TP73: variants seen among roughly 807,000 people sequenced by gnomAD.
TP73 encodes the protein p53-like transcription factor.
A neutral mutation model predicts 62.5 loss-of-function variants in TP73; 25 were observed. That is an observed-to-expected ratio of 0.40 (90% CI 0.29 to 0.56). TP73 has a LOEUF of 0.56. Among genes scored for constraint, TP73 ranks in the 20% least tolerant of loss-of-function variants. TP73 has a pLI of 0.46. For missense variants in TP73, 754 were observed against 913.3 expected (o/e 0.83, Z 2.25); for synonymous variants, 423 against 377.5 (o/e 1.12, Z -1.40).
chr1:3,721,964 T>C (rs1192438235), intron 4 of TP73, 57 bp from the exon 5 acceptor site: 6 of 1,521,236 alleles, frequency 3.9e-6, no homozygotes, highest in Non-Finnish European at 5.3e-6. Context: ...GGGGGTGGCC[T>C]GGACAGGGGT....
chr1:3,722,649 G>A (rs1237731079), intron 5 of TP73, among the ~76,000 whole-genome samples: 1 of 152,218 alleles, frequency 6.6e-6, no homozygotes, highest in Non-Finnish European at 1.5e-5. Context: ...GTTCTGCTGC[G>A]ATGCACCTGG....
rs1327142100 is a variant in TP73 at position 3,730,911 on chromosome 1, C to G, written c.1346-16C>G. On this transcript the variant is annotated splice_polypyrimidine_tract_variant and intron_variant, in intron 11 of 13. Transcript: ENST00000378295. ...CAGCCTGGCTGCCCTGATGGCCCCACCTGCCTCTCACCCAGGCCCCGGGAT... is the reference window on the plus strand; with the variant it reads ...CAGCCTGGCTGCCCTGATGGCCCCAGCTGCCTCTCACCCAGGCCCCGGGAT... 6.9e-6 allele frequency: 11 copies of G among 1,588,304 alleles called. No individual in the cohort carries two copies. Among genetic ancestry groups the G allele is most frequent in the Middle Eastern group, 1.7e-4 (1 of 5,722 alleles).
chr1:3,706,173 G>A (rs879555283), intron 3 of TP73, among the ~76,000 whole-genome samples: 13 of 152,138 alleles, frequency 8.5e-5, no homozygotes, highest in Admixed American at 2.0e-4. Context: ...CCCAGTTCAC[G>A]GTCTGGGGGT....
intron 3 of TP73, among the ~76,000 whole-genome samples, chr1:3,690,339 G>T (rs1645781097): frequency 6.6e-6 from 1 of 152,128 alleles, no homozygotes; most frequent in South Asian, 2.1e-4. Flanking sequence ...GCCCCACCTG[G>T]GTGCCAAGGG....
intron 3 of TP73, among the ~76,000 whole-genome samples, chr1:3,704,405 G>A (rs970754936): frequency 3.9e-5 from 6 of 152,086 alleles, no homozygotes; most frequent in Admixed American, 1.3e-4. Context: ...CCCCCACCCT[G>A]TGTGGCCAGT....
At position 3,663,247 on chromosome 1, in the gene TP73, C is replaced by T. The variant is rs1280659654; in HGVS notation, c.-34+10606C>T. 6.6e-6 allele frequency among the ~76,000 whole-genome samples: 1 copy of T among 152,178 alleles called. No individual in the cohort carries two copies. Among genetic ancestry groups the T allele is most frequent in the East Asian group, 1.9e-4 (1 of 5,180 alleles). ...AGAGGACCCTCTGCCTATCACGAGCCTGGTGGCTGCCGTACCAGTAATGAA... is the reference window on the plus strand; with the variant it reads ...AGAGGACCCTCTGCCTATCACGAGCTTGGTGGCTGCCGTACCAGTAATGAA... On this transcript the variant is annotated intron_variant, in intron 1 of 13. Transcript: ENST00000378295. This position sits in a 1 kb window ranked among gnomAD's most constrained non-coding sequence, Gnocchi z 4.7.
At chr1:3,665,601 C>T (rs980682245) in intron 1 of TP73, among the ~76,000 whole-genome samples, 20 of 151,186 alleles carry the variant, frequency 1.3e-4, no homozygotes, top group African/African-American at 2.7e-4. Context: ...GGAAATCATT[C>T]GTATTTTGAA....
In TP73 at chr1:3,670,419, C is replaced by T. The variant is rs1008986348; in HGVS notation, c.-33-11914C>T. 9.2e-5 allele frequency among the ~76,000 whole-genome samples: 14 copies of T among 152,074 alleles called. No individual in the cohort carries two copies. The highest frequency in any genetic ancestry group is 1.5e-5 in the Non-Finnish European group (1 of 68,002). ...GTGGCTCACATCTGTAATCCCAGCA[C>T]TCTGGGAGGCTGAGGCGGGTGGATC... On this transcript the variant is annotated intron_variant, in intron 1 of 13. Transcript: ENST00000378295. The surrounding 1 kb of genome is among the most constrained non-coding windows in gnomAD (Gnocchi z 5.9).
intron 4 of TP73, among the ~76,000 whole-genome samples, chr1:3,716,816 C>A (rs3819967): frequency 6.6e-6 from 1 of 151,926 alleles, no homozygotes; most frequent in East Asian, 1.9e-4. Flanking sequence ...TGTGAACCCA[C>A]GAATTTAATG....
chr1:3,730,567 C>G (rs1274354198), intron 11 of TP73, among the ~76,000 whole-genome samples: 1 of 152,164 alleles, frequency 6.6e-6, no homozygotes, highest in Non-Finnish European at 1.5e-5. Flanking sequence ...GGCCCCCTTC[C>G]CCTGGAAGGT....
intron 6 of TP73, among the ~76,000 whole-genome samples, chr1:3,725,307 A>G (rs1570617559): frequency 6.6e-6 from 1 of 150,632 alleles, no homozygotes; most frequent in East Asian, 2.0e-4. Flanking sequence ...GCCCTCCCAG[A>G]ACCCAGAACC....
intron 3 of TP73, among the ~76,000 whole-genome samples, chr1:3,687,629 G>C (rs1225984734): frequency 6.6e-6 from 1 of 152,168 alleles, no homozygotes; most frequent in East Asian, 1.9e-4. Flanking sequence ...GAGGACACAG[G>C]AGGGGAGAAA....
At chr1:3,714,273 A>T (rs1640406511) in intron 4 of TP73, 1 of 152,286 alleles carries the variant, frequency 6.6e-6, no homozygotes, top group South Asian at 2.1e-4. Flanking sequence ...GCTGCTGCCA[A>T]TTCCAGCCCC....
At chr1:3,671,737 G>A (rs1645245250) in intron 1 of TP73, among the ~76,000 whole-genome samples, 1 of 152,234 alleles carries the variant, frequency 6.6e-6, no homozygotes, top group Non-Finnish European at 1.5e-5. Context: ...AAATATGGAG[G>A]ATTTGGCACA....
At chr1:3,669,113 C>T (rs1645184758) in intron 1 of TP73, among the ~76,000 whole-genome samples, 2 of 152,242 alleles carry the variant, frequency 1.3e-5, no homozygotes, top group Admixed American at 6.5e-5. Context: ...AGGAGCCAGC[C>T]GAGGGCCACT....
At chr1:3,714,452 G>GAGGATGGTGGGGGCA (rs960175218) in intron 4 of TP73, among the ~76,000 whole-genome samples, 2 of 152,228 alleles carry the variant, frequency 1.3e-5, no homozygotes, top group East Asian at 1.9e-4. Flanking sequence ...GGGTGGGGGT[G>GAGGATGGTGGGGGCA]AGGATGGTGG....
At chr1:3,680,832 G>A (rs1645502197) in intron 1 of TP73, among the ~76,000 whole-genome samples, 1 of 152,250 alleles carries the variant, frequency 6.6e-6, no homozygotes, top group African/African-American at 2.4e-5. Flanking sequence ...AGGATCGGAG[G>A]CCTGCAAGGG....
Position 3,733,307 on chromosome 1 carries a change from T to A in TP73, c.*228T>A. The A allele has an allele frequency of 1.7e-6, 1 of 600,478 alleles. No homozygotes were observed. Among genetic ancestry groups the A allele is most frequent in the Non-Finnish European group, 2.9e-6 (1 of 343,498 alleles). The allele number at this position is 600,478 out of a possible 1,614,324, so 37.2% of individuals were successfully genotyped here. On this transcript the variant is annotated 3_prime_UTR_variant, in exon 14 of 14. Transcript: ENST00000378295. ...CCTGCAGAACCTTCTGGAGCTGCCC[T>A]AGTGCTGGGCTTGTGGGGCGGGGGC... is the stretch of plus-strand genomic sequence containing the variant.
intron 3 of TP73, among the ~76,000 whole-genome samples, chr1:3,704,534 G>A (rs887642361): frequency 2.0e-5 from 3 of 152,222 alleles, no homozygotes; most frequent in African/African-American, 7.2e-5. Flanking sequence ...ACCGGGTGAC[G>A]AAAGAGAACA....
Sources: gnomAD v4.1 joint callset for allele counts (sites outside exome capture counted in the v4.1 genomes callset) on GRCh38, gnomAD v4.1.1 for gene constraint, Gnocchi (gnomAD v3.1) non-coding constraint, MANE v1.5 for transcripts, NCBI Gene and HGNC (gene_info 2026-07-23, HGNC 2026-07-21) for gene names.